The following CLN5 variants were observed in gnomAD, a reference collection of about 807,000 sequenced individuals.
The protein encoded by CLN5 is bis(monoacylglycero)phosphate synthase CLN5.
Under a neutral mutation model 36.7 loss-of-function variants are expected in CLN5, and 34 were observed. That is an observed-to-expected ratio of 0.93 (90% CI 0.71 to 1.23). The LOEUF is 1.23. Ranked by LOEUF, CLN5 falls within the 50% of genes most tolerant of loss-of-function variation. CLN5 has a pLI of 0.00. For missense variants in CLN5, 427 were observed against 439.4 expected (o/e 0.97, Z 0.25); for synonymous variants, 151 against 155.1 (o/e 0.97, Z 0.20).
chr13:76,995,453 C>A, intron 2 of CLN5: 1 of 560,770 alleles, frequency 1.8e-6, no homozygotes, highest in Non-Finnish European at 3.2e-6. Flanking sequence ...GAATCTGAAA[C>A]CAGCTCCTGT....
At position 77,004,947 on chromosome 13, in the gene CLN5, C is replaced by T. The variant is rs151182833; in HGVS notation, c.*3978C>T. The T allele has an allele frequency of 6.3e-4, 96 of 152,140 alleles. 1 individual carries two copies. Among genetic ancestry groups the T allele is most frequent in the African/African-American group, 2.2e-3 (93 of 41,534 alleles). 9.4% of individuals were successfully genotyped at this position (152,140 alleles called of 1,614,324 possible). On this transcript the variant is annotated 3_prime_UTR_variant, in exon 4 of 4. Transcript: ENST00000377453. The stretch of plus-strand genomic sequence containing the variant: ...TAAAAAGACTGGTTGGGTTCAAGGA[C>T]CCTTAAAGACTGATTCTATGTCTAA...
At chr13:76,992,293 C>T (rs1395910754) in intron 1 of CLN5, 22 bp downstream of exon 1, 1 of 1,448,878 alleles carries the variant, frequency 6.9e-7, no homozygotes, top group Admixed American at 2.1e-5. Context: ...GGCGCGCGCA[C>T]TGTCGGGGTT....
intron 3 of CLN5, 111 bp downstream of exon 3, chr13:76,996,238 G>T: frequency 1.1e-6 from 1 of 933,892 alleles, no homozygotes. Flanking sequence ...GAGGTCATTT[G>T]TAAAATGTAC....
chr13:76,996,362 C>T (rs2034268560), intron 3 of CLN5: 1 of 491,908 alleles, frequency 2.0e-6, no homozygotes, highest in Non-Finnish European at 3.7e-6. Flanking sequence ...TGAATAAGTT[C>T]TTTAGTGGTG....
In CLN5 at chr13:76,995,930, G is replaced by A. The variant is rs2034257591; in HGVS notation, c.368G>A (p.Arg123Lys). ...ATTATGCATGATGCCATTGGATTCA[G>A]AAGTACATTAACTGGCAAGAACTAC... is the stretch of plus-strand genomic sequence containing the variant. ...LKIMHDAIGF[R>K]STLTGKNYTM... Residue 123 changes from arginine to lysine, a missense_variant, in exon 3 of 4, where the codon AGA becomes AAA. By Grantham distance (26) the Arg-to-Lys change is conservative. Coordinates refer to ENST00000377453, the MANE Select transcript of CLN5 (RefSeq NM_006493.4). The A allele has an allele frequency of 6.2e-7, 1 of 1,614,028 alleles. No homozygotes were observed. The highest frequency in any genetic ancestry group is 1.7e-5 in the Admixed American group (1 of 60,004).
rs1566221933 is a variant in CLN5 at position 77,001,049 on chromosome 13, C to T, written c.*80C>T. 7.9e-7 allele frequency: 1 copy of T among 1,258,830 alleles called. No homozygotes were observed. The highest frequency in any genetic ancestry group is 1.5e-5 in the African/African-American group (1 of 66,302). 78.0% of individuals were successfully genotyped at this position (1,258,830 alleles called of 1,614,324 possible). On this transcript the variant is annotated 3_prime_UTR_variant, in exon 4 of 4. Transcript: ENST00000377453. ...GGGGTGATTTTACTTTTGTGAATTC[C>T]TTAGCCTTTCTTCCTTGGTGCATAA...
intron 2 of CLN5, 165 bp from the exon 3 acceptor site, chr13:76,995,737 G>A (rs539683369): frequency 2.9e-6 from 2 of 682,930 alleles, no homozygotes; most frequent in East Asian, 5.4e-5. Flanking sequence ...TGAGGGCCTG[G>A]AGTTTGGGGC....
chr13:76,992,438 ACTGGGGAGT>A, intron 1 of CLN5, 167 bp downstream of exon 1: 1 of 773,312 alleles, frequency 1.3e-6, no homozygotes, highest in Non-Finnish European at 2.0e-6. Flanking sequence ...AAAGTTGAGG[ACTGGGGAGT>A]CGCAGCCGCT....
chr13:76,992,462 AC>A lies in CLN5; in HGVS notation c.173+192del, dbSNP rs1380364390. The A allele has an allele frequency of 1.1e-5, 7 of 643,264 alleles. No homozygotes were observed. In the African/African-American group the frequency reaches 1.3e-4, roughly 12 times the overall value. The allele number at this position is 643,264 out of a possible 1,614,324, so 39.8% of individuals were successfully genotyped here. On this transcript the variant is annotated intron_variant, in intron 1 of 3. Coordinates refer to ENST00000377453, the MANE Select transcript of CLN5 (RefSeq NM_006493.4). ...GACTGGGGAGTCGCAGCCGCTCGTT[AC>A]GTGCAGCCCTGGGACCTTTCGTCCC...
Position 77,003,338 on chromosome 13 carries a change from T to C in CLN5, c.*2369T>C, listed in dbSNP as rs935329645. The C allele has an allele frequency of 2.6e-5, 4 of 152,182 alleles. No individual in the cohort carries two copies. Among genetic ancestry groups the C allele is most frequent in the Admixed American group, 1.3e-4 (2 of 15,278 alleles). 9.4% of individuals were successfully genotyped at this position (152,182 alleles called of 1,614,324 possible). On this transcript the variant is annotated 3_prime_UTR_variant, in exon 4 of 4. Transcript: ENST00000377453. The stretch of plus-strand genomic sequence containing the variant: ...AAAAAAAAGCATTCAAGATTTTTCA[T>C]TGTTCCTAAGAATCTTAATTAAATG...
At chr13:76,997,368 A>T (rs7334242) in intron 3 of CLN5, 1 of 151,928 alleles carries the variant, frequency 6.6e-6, no homozygotes, top group East Asian at 1.9e-4. Context: ...CTGGTCTCAA[A>T]CTCCTGACCT....
Position 77,000,582 on chromosome 13 carries a change from CTG to C in CLN5, c.692_693del (p.Cys231PhefsTer9). Reference protein sequence around the residue: ...GAETWFDSYDCSKFVLRTFNK... With the variant: ...GAETWFDSYDXSKFVLRTFNK... Reference sequence around the variant, plus strand: ...CAGAGACATGGTTTGATTCCTACGACTGTTCCAAATTTGTGTTAAGGACCTTT... The same window carrying C: ...CAGAGACATGGTTTGATTCCTACGACTTCCAAATTTGTGTTAAGGACCTTT... On this transcript the variant is annotated frameshift_variant, in exon 4 of 4. Coordinates refer to ENST00000377453, the MANE Select transcript of CLN5 (RefSeq NM_006493.4). LOFTEE classifies it high-confidence loss of function. 2 of 1,614,122 alleles carry C rather than the reference CTG, an allele frequency of 1.2e-6. No individual in the cohort carries two copies. Among genetic ancestry groups the C allele is most frequent in the Non-Finnish European group, 1.7e-6 (2 of 1,180,014 alleles).
chr13:76,995,213 C>A lies in CLN5; in HGVS notation c.324C>A (p.Asp108Glu), dbSNP rs2034245004. ...QAPVWEFKYG[D>E]LLGHLKIMHD... ...CAGTATGGGAATTTAAATATGGAGA[C>A]CTCCTGGGACACTTGGTAAGGATGC... Residue 108 changes from aspartate to glutamate, a missense_variant, in exon 2 of 4, where the codon GAC becomes GAA. Asp to Glu is a conservative substitution (Grantham distance 45). Transcript: ENST00000377453. The A allele has an allele frequency of 1.2e-6, 2 of 1,614,018 alleles. No homozygotes were observed. Among genetic ancestry groups the A allele is most frequent in the Non-Finnish European group, 1.7e-6 (2 of 1,179,934 alleles).
chr13:77,000,383 TAAAAAAAAA>T, intron 3 of CLN5, 66 bp from the exon 4 acceptor site: 1 of 1,178,718 alleles, frequency 8.5e-7, no homozygotes, highest in Non-Finnish European at 1.1e-6. Flanking sequence ...AGACCTGTCT[TAAAAAAAAA>T]AAAAAAAAAA....
intron 1 of CLN5, chr13:76,994,770 T>A: frequency 3.2e-6 from 1 of 311,296 alleles, no homozygotes; most frequent in Non-Finnish European, 5.9e-6. Context: ...TGCAAATGTC[T>A]ACTATGATCT....
Position 77,002,166 on chromosome 13 carries a change from TC to T in CLN5, c.*1199del, listed in dbSNP as rs1226424758. 6.6e-6 allele frequency: 1 copy of T among 152,236 alleles called. No homozygotes were observed. Among genetic ancestry groups the T allele is most frequent in the Non-Finnish European group, 1.5e-5 (1 of 68,050 alleles). The allele number at this position is 152,236 out of a possible 1,614,324, so 9.4% of individuals were successfully genotyped here. ...GATTCAGTTTCAACTTTCAAGTACT[TC>T]CTGAGAGGTTAGTACATTATTATTG... On this transcript the variant is annotated 3_prime_UTR_variant, in exon 4 of 4. Coordinates refer to ENST00000377453, the MANE Select transcript of CLN5 (RefSeq NM_006493.4).
chr13:76,994,839 G>A, intron 1 of CLN5: 1 of 465,564 alleles, frequency 2.1e-6, no homozygotes, highest in Non-Finnish European at 3.8e-6. Flanking sequence ...AGTGGGATCA[G>A]GGAACAGGGA....
chr13:77,002,659 G>T lies in CLN5; in HGVS notation c.*1690G>T, dbSNP rs934197575. ...ATACAGAGGGAGAACTTTCTTTCAC[G>T]CCTCCTTTAGCCTGTCGACTCCTTA... On this transcript the variant is annotated 3_prime_UTR_variant, in exon 4 of 4. Transcript: ENST00000377453. The T allele has an allele frequency of 1.3e-5, 2 of 151,490 alleles. No homozygotes were observed. The highest frequency in any genetic ancestry group is 2.9e-5 in the Non-Finnish European group (2 of 67,956). 9.4% of individuals were successfully genotyped at this position (151,490 alleles called of 1,614,324 possible). A position where few individuals can be genotyped will look rare whatever the true frequency, so the allele number is the denominator to read the frequency against.
intron 3 of CLN5, chr13:76,999,494 G>A (rs147866303): frequency 2.9e-4 from 44 of 152,426 alleles, no homozygotes; most frequent in African/African-American, 1.1e-3. Flanking sequence ...GACTTAACGT[G>A]GCAGGTGGAG....
Sources: gnomAD v4.1 joint callset for allele counts on GRCh38, gnomAD v4.1.1 for gene constraint, MANE v1.5 for transcripts, NCBI Gene and HGNC (gene_info 2026-07-23, HGNC 2026-07-21) for gene names.